The following ZCWPW2 variants were observed in gnomAD, a reference collection of about 807,000 sequenced individuals.
ZCWPW2 encodes the protein zinc finger CW-type PWWP domain protein 2.
In ZCWPW2, 45 loss-of-function variants were observed where a neutral mutation model predicts 46.6. The ratio of observed to expected loss-of-function variants is 0.96; its 90% CI spans 0.76 to 1.24. The LOEUF is 1.24. ZCWPW2 is among the 50% of genes most tolerant of loss of function. The pLI is 0.00. For missense variants in ZCWPW2, 429 were observed against 403.9 expected, an observed-to-expected ratio of 1.06 and a Z score of -0.53; for synonymous variants, 152 against 137.1, an observed-to-expected ratio of 1.11 and a Z score of -0.76.
At chr3:28,361,519 G>A (rs567822164) in intron 1 of ZCWPW2, among the ~76,000 whole-genome samples, 1 of 143,302 alleles carries the variant, frequency 7.0e-6, no homozygotes, top group East Asian at 1.9e-4. Context: ...AGGAATAAAA[G>A]CAAAAATAAA....
At chr3:28,374,692 A>G (rs1342380169) in intron 1 of ZCWPW2, among the ~76,000 whole-genome samples, 1 of 151,896 alleles carries the variant, frequency 6.6e-6, no homozygotes, top group Non-Finnish European at 1.5e-5. Context: ...TCTTTCACTT[A>G]TTTGGTTAAA....
At chr3:28,391,754 G>A (rs998878647) in intron 2 of ZCWPW2, among the ~76,000 whole-genome samples, 1 of 152,124 alleles carries the variant, frequency 6.6e-6, no homozygotes, top group Non-Finnish European at 1.5e-5. Context: ...CATTGCCACT[G>A]CAGACACCCA....
At chr3:28,387,253 A>G (rs996212143) in intron 1 of ZCWPW2, among the ~76,000 whole-genome samples, 1 of 152,106 alleles carries the variant, frequency 6.6e-6, no homozygotes, top group African/African-American at 2.4e-5. Context: ...TCTTCTGTGC[A>G]TGTTCTGCAC....
intron 3 of ZCWPW2, among the ~76,000 whole-genome samples, chr3:28,427,361 TGAG>T (rs1175515122): frequency 1.3e-5 from 2 of 152,226 alleles, no homozygotes; most frequent in East Asian, 1.9e-4. Context: ...ATGTAGGAGA[TGAG>T]GAGAAGTAAT....
chr3:28,471,193 C>G (rs1329920690), intron 4 of ZCWPW2, among the ~76,000 whole-genome samples: 2 of 152,100 alleles, frequency 1.3e-5, no homozygotes, highest in African/African-American at 4.8e-5. Flanking sequence ...ATAGCTAATA[C>G]CAGTTCTACT....
intron 1 of ZCWPW2, among the ~76,000 whole-genome samples, chr3:28,365,985 A>G (rs1340358463): frequency 2.0e-5 from 3 of 149,766 alleles, no homozygotes; most frequent in Non-Finnish European, 4.5e-5. Context: ...ATTTTTGCAC[A>G]TTGATTTTGC....
rs2125792595 is a variant in ZCWPW2 at position 28,466,459 on chromosome 3, C to G, written c.493-12355C>G. 1.3e-5 allele frequency among the ~76,000 whole-genome samples: 2 copies of G among 152,240 alleles called. 1 individual carries two copies. Among genetic ancestry groups the G allele is most frequent in the South Asian group, 4.2e-4 (2 of 4,818 alleles). ...TGGTGTAAGCCTAAGAAGCAATGTG[C>G]AAGATCTGTGTGAATTAAACTTCAA... is the stretch of plus-strand genomic sequence containing the variant. On this transcript the variant is annotated intron_variant, in intron 4 of 9. Transcript: ENST00000383768.
At chr3:28,486,844 TAC>T (rs1335109950) in intron 5 of ZCWPW2, among the ~76,000 whole-genome samples, 2 of 151,472 alleles carry the variant, frequency 1.3e-5, no homozygotes, top group East Asian at 3.9e-4. Flanking sequence ...CTGACCTGAG[TAC>T]AGAGTGAGAC....
intron 1 of ZCWPW2, among the ~76,000 whole-genome samples, chr3:28,355,236 A>C (rs1462655867): frequency 6.6e-6 from 1 of 152,244 alleles, no homozygotes; most frequent in African/African-American, 2.4e-5. Context: ...TCATGAGTGA[A>C]CTCCCATTCA....
At chr3:28,473,552 TC>T (rs1327777951) in intron 4 of ZCWPW2, among the ~76,000 whole-genome samples, 9 of 151,596 alleles carry the variant, frequency 5.9e-5, no homozygotes, top group African/African-American at 2.2e-4. Context: ...AGAAAGGAAA[TC>T]GGTTTATTGA....
intron 6 of ZCWPW2, chr3:28,510,954 G>C (rs1249574377): frequency 7.2e-6 from 3 of 417,166 alleles, no homozygotes; most frequent in Non-Finnish European, 1.4e-5. Flanking sequence ...TGGTCACTAA[G>C]GGAACCAGAT....
chr3:28,498,237 ACGTGTG>A (rs754947162), intron 6 of ZCWPW2, among the ~76,000 whole-genome samples: 3 of 115,638 alleles, frequency 2.6e-5, no homozygotes, highest in Admixed American at 2.1e-4. Flanking sequence ...ATACATATAT[ACGTGTG>A]TGTGTGTGTG....
rs111383620 is a variant in ZCWPW2 at position 28,352,126 on chromosome 3, GCACACACACACACA to G, written c.-134+2951_-134+2964del. On this transcript the variant is annotated intron_variant, in intron 1 of 9. Coordinates refer to ENST00000383768, the MANE Select transcript of ZCWPW2 (RefSeq NM_001040432.4). ...TCCTTTCCCTCTATCTCAGATGTAT[GCACACACACACACA>G]CACACACACACACACACACACACAC... Among the ~76,000 whole-genome samples, 791 of 129,702 alleles carry G rather than the reference GCACACACACACACA, an allele frequency of 6.1e-3. 11 individuals are homozygous for G. Among genetic ancestry groups the G allele is most frequent in the African/African-American group, 0.021 (734 of 34,526 alleles). The allele number at this position is 129,702 out of a possible 152,430, so 85.1% of individuals were successfully genotyped here.
At chr3:28,478,268 G>T (rs1409154181) in intron 4 of ZCWPW2, 3 of 282,530 alleles carry the variant, frequency 1.1e-5, no homozygotes, top group African/African-American at 4.6e-5. Context: ...TTTTGAGACA[G>T]AGTCTTACTC....
At chr3:28,352,023 G>A (rs556718640) in intron 1 of ZCWPW2, among the ~76,000 whole-genome samples, 1 of 151,984 alleles carries the variant, frequency 6.6e-6, no homozygotes, top group South Asian at 2.1e-4. Flanking sequence ...ATAAAACCTG[G>A]TATTTGGGCA....
At chr3:28,489,654 A>G (rs1316606681) in intron 5 of ZCWPW2, among the ~76,000 whole-genome samples, 1 of 73,712 alleles carries the variant, frequency 1.4e-5, no homozygotes, top group Non-Finnish European at 2.9e-5. Context: ...TCTCTCTTTC[A>G]CACACACACG....
intron 4 of ZCWPW2, among the ~76,000 whole-genome samples, chr3:28,443,452 T>G (rs1370544223): frequency 1.3e-5 from 2 of 152,150 alleles, no homozygotes; most frequent in Non-Finnish European, 2.9e-5. Context: ...TTTTTCTAAT[T>G]CAAATTAGTC....
chr3:28,430,344 G>T (rs935088676), intron 3 of ZCWPW2, among the ~76,000 whole-genome samples: 1 of 152,236 alleles, frequency 6.6e-6, no homozygotes, highest in Admixed American at 6.5e-5. Context: ...GGGGCCTGAG[G>T]CCCCTTCGTT....
At position 28,349,301 on chromosome 3, in the gene ZCWPW2, C is replaced by T. The variant is rs1215517087; in HGVS notation, c.-134+98C>T. 8.0e-6 allele frequency: 6 copies of T among 748,220 alleles called. No individual in the cohort carries two copies. In the South Asian group the frequency reaches 3.0e-4, roughly 37 times the overall value. The allele number at this position is 748,220 out of a possible 1,614,324, so 46.3% of individuals were successfully genotyped here. ...TTCACTCAGTGTCCTTTTGGGGGGT[C>T]CCCGGGCCGTGTGGTGCGTGCTGGC... On this transcript the variant is annotated intron_variant, in intron 1 of 9. Coordinates refer to ENST00000383768, the MANE Select transcript of ZCWPW2 (RefSeq NM_001040432.4).
Sources: allele counts gnomAD v4.1 joint callset (sites outside exome capture counted in the v4.1 genomes callset), GRCh38; gene constraint gnomAD v4.1.1; transcripts MANE v1.5; gene names NCBI Gene and HGNC (gene_info 2026-07-23, HGNC 2026-07-21).